Variants in IL1RAPL1 observed in about 807,000 individuals in gnomAD.
IL1RAPL1 encodes the protein interleukin-1 receptor accessory protein-like 1.
In IL1RAPL1, 3 loss-of-function variants were observed where a neutral mutation model predicts 48.4. The observed-to-expected ratio is 0.06, with a 90% CI of 0.03 to 0.16. IL1RAPL1 has a LOEUF of 0.16. Among genes scored for constraint, IL1RAPL1 ranks in the 10% least tolerant of loss-of-function variants. IL1RAPL1 has a pLI of 1.00. For synonymous variants in IL1RAPL1, 185 were observed against 187.7 expected (o/e 0.99, Z 0.12); for missense variants, 349 against 530.6 (o/e 0.66, Z 3.36).
intron 1 of IL1RAPL1, among the ~76,000 whole-genome samples, chrX:28,762,031 T>G (rs1936179545): frequency 9.0e-6 from 1 of 111,678 alleles, no homozygotes; most frequent in African/African-American, 3.3e-5. Flanking sequence ...TGTAAACAGC[T>G]TAGCATAGCG....
intron 6 of IL1RAPL1, among the ~76,000 whole-genome samples, chrX:29,803,072 T>C (rs769697571): frequency 1.2e-5 from 1 of 85,014 alleles, no homozygotes; most frequent in East Asian, 3.8e-4. Flanking sequence ...TGTATGCATG[T>C]ATACATATAT....
At chrX:28,935,616 G>A (rs1259466087) in intron 2 of IL1RAPL1, among the ~76,000 whole-genome samples, 1 of 111,533 alleles carries the variant, frequency 9.0e-6, no homozygotes, top group Non-Finnish European at 1.9e-5. Context: ...GCTCAGCCAT[G>A]CTACTGTTAC....
chrX:28,805,899 A>G (rs745689095), intron 2 of IL1RAPL1, among the ~76,000 whole-genome samples: 1 of 110,404 alleles, frequency 9.1e-6, no homozygotes, highest in Non-Finnish European at 1.9e-5. Flanking sequence ...CGCTATGCTT[A>G]AAAGAGTCAT....
intron 2 of IL1RAPL1, among the ~76,000 whole-genome samples, chrX:29,018,090 A>G (rs186023622): frequency 5.4e-5 from 6 of 111,997 alleles, no homozygotes; most frequent in African/African-American, 1.9e-4. Context: ...TCCATATCCA[A>G]TTCATGATTA....
intron 6 of IL1RAPL1, among the ~76,000 whole-genome samples, chrX:29,781,489 A>G (rs911124318): frequency 1.8e-5 from 2 of 112,109 alleles, no homozygotes; most frequent in Non-Finnish European, 3.8e-5. Flanking sequence ...ATATGACTAC[A>G]GTTGAACAGT....
At chrX:28,798,489 C>T (rs1457579442) in intron 2 of IL1RAPL1, among the ~76,000 whole-genome samples, 2 of 111,827 alleles carry the variant, frequency 1.8e-5, no homozygotes, top group Non-Finnish European at 3.8e-5. Flanking sequence ...TGGGCATCCT[C>T]AGATAACCCA....
At chrX:29,194,863 T>C (rs1435873016) in intron 2 of IL1RAPL1, among the ~76,000 whole-genome samples, 1 of 109,308 alleles carries the variant, frequency 9.1e-6, no homozygotes, top group Non-Finnish European at 1.9e-5. Flanking sequence ...GAATGCATTG[T>C]CATTACTTTT....
At chrX:29,093,444 C>CAAT (rs1928133800) in intron 2 of IL1RAPL1, among the ~76,000 whole-genome samples, 1 of 111,368 alleles carries the variant, frequency 9.0e-6, no homozygotes, top group African/African-American at 3.3e-5. Context: ...GATCCAGTCA[C>CAAT]CTCCCACCAG....
chrX:29,057,400 A>G (rs893086586), intron 2 of IL1RAPL1, among the ~76,000 whole-genome samples: 20 of 102,720 alleles, frequency 1.9e-4, no homozygotes, highest in African/African-American at 6.9e-4. Context: ...GAAGCAGATC[A>G]TGTTTGTTTG....
At chrX:29,096,923 T>C (rs1376013116) in intron 2 of IL1RAPL1, among the ~76,000 whole-genome samples, 2 of 110,077 alleles carry the variant, frequency 1.8e-5, no homozygotes, top group African/African-American at 6.6e-5. Context: ...TAGACTAATA[T>C]TGGCTCTGCC....
At chrX:29,222,868 G>A (rs1020942983) in intron 2 of IL1RAPL1, among the ~76,000 whole-genome samples, 7 of 111,375 alleles carry the variant, frequency 6.3e-5, no homozygotes, top group African/African-American at 2.0e-4. Flanking sequence ...TATATGTGTC[G>A]TATTCCAACC....
intron 1 of IL1RAPL1, among the ~76,000 whole-genome samples, chrX:28,619,607 C>CA (rs55856491): frequency 0.13 from 7,496 of 57,177 alleles, 608 homozygotes; most frequent in African/African-American, 0.28. Flanking sequence ...ACCCCGTCTC[C>CA]AAAAAAAAAA....
chrX:29,279,032 G>A (rs1172901687), intron 2 of IL1RAPL1, among the ~76,000 whole-genome samples: 2 of 112,437 alleles, frequency 1.8e-5, no homozygotes, highest in East Asian at 2.8e-4. Context: ...GTGTGCAGAT[G>A]AGGCAAACCG....
At chrX:29,491,978 T>C (rs775070931) in intron 5 of IL1RAPL1, among the ~76,000 whole-genome samples, 1 of 112,433 alleles carries the variant, frequency 8.9e-6, no homozygotes, top group East Asian at 2.8e-4. Context: ...AATCTTTGTT[T>C]CTATTTGTAA....
At chrX:28,787,950 G>T (rs761574026) in intron 1 of IL1RAPL1, among the ~76,000 whole-genome samples, 3 of 111,656 alleles carry the variant, frequency 2.7e-5, no homozygotes, top group East Asian at 5.7e-4. Flanking sequence ...TATACAAAAA[G>T]AAAAGAAGCA....
chrX:29,873,791 A>G (rs777949180), intron 6 of IL1RAPL1, among the ~76,000 whole-genome samples: 10 of 111,825 alleles, frequency 8.9e-5, no homozygotes, highest in Non-Finnish European at 1.1e-4. Flanking sequence ...GAGTACAGCA[A>G]TGCCAACAAT....
intron 1 of IL1RAPL1, among the ~76,000 whole-genome samples, chrX:28,743,030 C>T (rs1450494557): frequency 9.0e-6 from 1 of 111,515 alleles, no homozygotes; most frequent in African/African-American, 3.2e-5. Flanking sequence ...GAAAAGAATG[C>T]GCTTAATGAA....
chrX:29,745,591 C>T (rs955690238), intron 6 of IL1RAPL1, among the ~76,000 whole-genome samples: 7 of 107,587 alleles, frequency 6.5e-5, no homozygotes, highest in African/African-American at 1.0e-4. Context: ...GGATTATAGG[C>T]GTCCGCCAAC....
chrX:29,527,784 G>T (rs1363897375), intron 5 of IL1RAPL1, among the ~76,000 whole-genome samples: 4 of 112,013 alleles, frequency 3.6e-5, no homozygotes, highest in Admixed American at 9.5e-5. Flanking sequence ...AAGAGTTAAT[G>T]TCCTTAATAT....
Sources: allele counts gnomAD v4.1 joint callset (sites outside exome capture counted in the v4.1 genomes callset), GRCh38; gene constraint gnomAD v4.1.1; transcripts MANE v1.5; gene names NCBI Gene and HGNC (gene_info 2026-07-23, HGNC 2026-07-21).